Variants in FAM135A observed in about 807,000 individuals in gnomAD.
FAM135A encodes family with sequence similarity 135 member A.
Under a neutral mutation model 146.8 loss-of-function variants are expected in FAM135A, and 79 were observed. The observed-to-expected ratio is 0.54, with a 90% CI of 0.45 to 0.65. The LOEUF (loss-of-function observed/expected upper bound fraction) is 0.65, where lower values mean the gene tolerates loss of function less well. Among genes scored for constraint, FAM135A ranks in the 30% least tolerant of loss-of-function variants. The pLI is 0.00. For missense variants in FAM135A, 1,623 were observed against 1,758.2 expected (o/e 0.92, Z 1.38); for synonymous variants, 562 against 603.6 (o/e 0.93, Z 1.01).
At chr6:70,559,223 C>T (rs1261824204) in intron 21 of FAM135A, among the ~76,000 whole-genome samples, 1 of 152,096 alleles carries the variant, frequency 6.6e-6, no homozygotes, top group African/African-American at 2.4e-5. Flanking sequence ...GGAGGATCGC[C>T]TGAGGTCAGG....
intron 12 of FAM135A, among the ~76,000 whole-genome samples, chr6:70,517,619 G>A (rs565120656): frequency 5.9e-5 from 9 of 151,928 alleles, no homozygotes; most frequent in South Asian, 2.1e-4. Flanking sequence ...GGGTTTCACC[G>A]TGTTGGTTAG....
chr6:70,420,421 G>C (rs375312174), intron 2 of FAM135A, among the ~76,000 whole-genome samples: 15 of 152,184 alleles, frequency 9.9e-5, no homozygotes, highest in Non-Finnish European at 2.2e-4. Flanking sequence ...TATTGTTTTA[G>C]GATCACTGTG....
At position 70,525,287 on chromosome 6, in the gene FAM135A, A is replaced by G. The variant is rs778085877; in HGVS notation, c.2203A>G (p.Asn735Asp). 2 of 1,603,468 alleles carry G rather than the reference A, an allele frequency of 1.2e-6. No individual in the cohort carries two copies. The highest frequency in any genetic ancestry group is 1.7e-6 in the Non-Finnish European group (2 of 1,175,804). Residue 735 changes from asparagine (N) to aspartate (D), a missense_variant, in exon 15 of 22, where the codon AAT becomes GAT. Coordinates refer to ENST00000418814, the MANE Select transcript of FAM135A (RefSeq NM_001162529.3). ...AGAATCATTAACTAAATTACGAAGT[A>G]ATCTACCTGCCCCTTCTACAAAAGA... ...IGESLTKLRS[N>D]LPAPSTKEYH...
chr6:70,426,130 A>AC (rs767953748), intron 2 of FAM135A, among the ~76,000 whole-genome samples: 21 of 150,562 alleles, frequency 1.4e-4, no homozygotes, highest in African/African-American at 2.2e-4. Context: ...AACAACAACA[A>AC]AAAAAAAATT....
chr6:70,487,728 A>G (rs1784963811), intron 10 of FAM135A, among the ~76,000 whole-genome samples: 2 of 152,164 alleles, frequency 1.3e-5, no homozygotes, highest in South Asian at 4.1e-4. Context: ...CATTTATGAC[A>G]TTTTAGCATT....
At chr6:70,516,943 A>G (rs773163143) in intron 12 of FAM135A, among the ~76,000 whole-genome samples, 27 of 152,184 alleles carry the variant, frequency 1.8e-4, no homozygotes, top group Non-Finnish European at 3.2e-4. Flanking sequence ...CCTCTTTACA[A>G]TGATGCATTA....
rs114748541 is a variant in FAM135A at position 70,481,203 on chromosome 6, C to T, written c.669+176C>T. Among the ~76,000 whole-genome samples, 157 of 152,248 alleles carry T rather than the reference C, an allele frequency of 1.0e-3. 2 individuals are homozygous for T. Among genetic ancestry groups the T allele is most frequent in the African/African-American group, 3.6e-3 (150 of 41,554 alleles). ...TCTAATTGTCTATTATGAAAACTAA[C>T]ATGATACTTCAAAATGTTACCAGAT... On this transcript the variant is annotated intron_variant, in intron 9 of 21. Transcript: ENST00000418814.
intron 20 of FAM135A, among the ~76,000 whole-genome samples, chr6:70,548,427 A>G (rs1234659331): frequency 6.6e-6 from 1 of 152,184 alleles, no homozygotes; most frequent in African/African-American, 2.4e-5. Flanking sequence ...GAATTTTTAA[A>G]TTTATTTTAT....
chr6:70,555,347 C>T (rs1237976470), intron 20 of FAM135A, among the ~76,000 whole-genome samples: 2 of 152,148 alleles, frequency 1.3e-5, no homozygotes, highest in Non-Finnish European at 2.9e-5. Context: ...CTCACTGCAG[C>T]CTGCACCTCC....
chr6:70,540,894 T>C (rs1439498826), intron 20 of FAM135A, among the ~76,000 whole-genome samples: 1 of 152,204 alleles, frequency 6.6e-6, no homozygotes, highest in Non-Finnish European at 1.5e-5. Flanking sequence ...TCTATTCCCT[T>C]AGACACTCTC....
At chr6:70,422,170 G>C (rs1284481791) in intron 2 of FAM135A, among the ~76,000 whole-genome samples, 1 of 152,058 alleles carries the variant, frequency 6.6e-6, no homozygotes, top group African/African-American at 2.4e-5. Flanking sequence ...TTCACCTTTA[G>C]GGACAAAAAA....
chr6:70,508,273 T>C (rs1336730677), intron 12 of FAM135A, among the ~76,000 whole-genome samples: 2 of 152,310 alleles, frequency 1.3e-5, no homozygotes, highest in East Asian at 3.9e-4. Flanking sequence ...AGATAGTCTG[T>C]AACAAAGACA....
intron 5 of FAM135A, among the ~76,000 whole-genome samples, chr6:70,470,874 G>A (rs1382819179): frequency 6.6e-6 from 1 of 152,222 alleles, no homozygotes; most frequent in Non-Finnish European, 1.5e-5. Context: ...GTTTGTCTAG[G>A]TGCATCTGCA....
chr6:70,464,775 G>A (rs768555982), intron 5 of FAM135A, among the ~76,000 whole-genome samples: 3 of 136,248 alleles, frequency 2.2e-5, no homozygotes, highest in Admixed American at 7.9e-5. Flanking sequence ...CAAGCGATTC[G>A]CCCATCTCAG....
chr6:70,512,464 T>A (rs1434723799), intron 12 of FAM135A, among the ~76,000 whole-genome samples: 1 of 151,862 alleles, frequency 6.6e-6, no homozygotes, highest in East Asian at 1.9e-4. Flanking sequence ...GCTATACAGT[T>A]TTAAACTCCT....
At chr6:70,517,132 G>T (rs72917965) in intron 12 of FAM135A, among the ~76,000 whole-genome samples, 1 of 151,990 alleles carries the variant, frequency 6.6e-6, no homozygotes, top group Non-Finnish European at 1.5e-5. Context: ...TTTATATTTC[G>T]CAAGGTTTAG....
At chr6:70,438,289 A>G (rs1460132851) in intron 4 of FAM135A, among the ~76,000 whole-genome samples, 1 of 152,230 alleles carries the variant, frequency 6.6e-6, no homozygotes, top group Non-Finnish European at 1.5e-5. Flanking sequence ...CAAATTTAAA[A>G]TACTTACAGT....
At chr6:70,414,065 G>C in intron 1 of FAM135A, 19 of 984,158 alleles carry the variant, frequency 1.9e-5, no homozygotes, top group Non-Finnish European at 2.2e-5. Flanking sequence ...TCCTTTACCC[G>C]CTTTCGTGGT....
At chr6:70,460,778 T>A (rs2128095257) in intron 5 of FAM135A, among the ~76,000 whole-genome samples, 1 of 148,586 alleles carries the variant, frequency 6.7e-6, no homozygotes, top group South Asian at 2.2e-4. Context: ...AGATAGAAGA[T>A]TTATCTATCG....
Sources: gnomAD v4.1 joint callset for allele counts (sites outside exome capture counted in the v4.1 genomes callset) on GRCh38, gnomAD v4.1.1 for gene constraint, MANE v1.5 for transcripts, NCBI Gene and HGNC (gene_info 2026-07-23, HGNC 2026-07-21) for gene names.